TMEM248: variants seen among roughly 807,000 people sequenced by gnomAD.
TMEM248 encodes UPF0458 protein C7orf42.
A neutral mutation model predicts 30.3 loss-of-function variants in TMEM248; 9 were observed. That is an observed-to-expected ratio of 0.30 (90% confidence interval 0.18 to 0.52). The LOEUF (loss-of-function observed/expected upper bound fraction) is 0.52, where lower values mean the gene tolerates loss of function less well. Among genes scored for constraint, TMEM248 ranks in the 20% least tolerant of loss-of-function variants. The pLI, the probability that TMEM248 is intolerant of heterozygous loss-of-function variation, is 0.97. For missense variants in TMEM248, 338 were observed against 403.3 expected, an observed-to-expected ratio of 0.84 and a Z score of 1.39; for synonymous variants, 184 against 154.4, an observed-to-expected ratio of 1.19 and a Z score of -1.42.
Position 66,956,054 on chromosome 7 carries a change from T to C in TMEM248, c.*532T>C, listed in dbSNP as rs1792395895. ...ATAATACCTTTTTCTCCATTTTGCT[T>C]GCAGGAAACATACCTTAAGTTTTTT... On this transcript the variant is annotated 3_prime_UTR_variant, in exon 7 of 7. Transcript: ENST00000341567. 1 of 152,952 alleles carries C rather than the reference T, an allele frequency of 6.5e-6. No homozygotes were observed. Among genetic ancestry groups the C allele is most frequent in the African/African-American group, 2.4e-5 (1 of 41,478 alleles). 9.5% of individuals were successfully genotyped at this position (152,952 alleles called of 1,614,324 possible). A position where few individuals can be genotyped will look rare whatever the true frequency, so the allele number is the denominator to read the frequency against.
chr7:66,921,544 G>A (rs1791384998), intron 1 of TMEM248, 83 bp downstream of exon 1: 1 of 152,140 alleles, frequency 6.6e-6, no homozygotes, highest in South Asian at 2.1e-4. Flanking sequence ...GTGCTGGTCG[G>A]GAGCGGCTCC....
At chr7:66,937,895 A>G (rs1406921111) in intron 1 of TMEM248, among the ~76,000 whole-genome samples, 1 of 152,058 alleles carries the variant, frequency 6.6e-6, no homozygotes, top group Non-Finnish European at 1.5e-5. Context: ...TATTTTTAGT[A>G]GAGTCAGGGT....
chr7:66,932,163 C>T (rs939205839), intron 1 of TMEM248, among the ~76,000 whole-genome samples: 7 of 152,100 alleles, frequency 4.6e-5, no homozygotes, highest in African/African-American at 1.7e-4. Flanking sequence ...CAAAAGTAAT[C>T]GTGGTTTTTG....
intron 3 of TMEM248, among the ~76,000 whole-genome samples, chr7:66,945,878 G>A (rs1212557769): frequency 6.6e-6 from 1 of 152,162 alleles, no homozygotes; most frequent in Non-Finnish European, 1.5e-5. Context: ...AAGGTCAAGA[G>A]TTTGAGACCA....
intron 1 of TMEM248, among the ~76,000 whole-genome samples, chr7:66,938,213 T>G (rs909700734): frequency 2.6e-5 from 4 of 152,214 alleles, no homozygotes; most frequent in Admixed American, 2.6e-4. Context: ...TTAGTTGTTT[T>G]TTGGTTGTTT....
At chr7:66,922,727 C>G (rs1014003249) in intron 1 of TMEM248, among the ~76,000 whole-genome samples, 1 of 151,668 alleles carries the variant, frequency 6.6e-6, no homozygotes, top group East Asian at 1.9e-4. Context: ...GTTTTTGAGA[C>G]AGAGTCTCAC....
chr7:66,942,396 C>CAT (rs1406277887), intron 2 of TMEM248, among the ~76,000 whole-genome samples: 3 of 152,202 alleles, frequency 2.0e-5, no homozygotes, highest in Admixed American at 2.0e-4. Flanking sequence ...TTTAAAACCA[C>CAT]ATATCATCAT....
At chr7:66,936,816 T>C (rs1446687360) in intron 1 of TMEM248, among the ~76,000 whole-genome samples, 1 of 152,226 alleles carries the variant, frequency 6.6e-6, no homozygotes, top group African/African-American at 2.4e-5. Context: ...TTTTCATGTC[T>C]GATACTATTT....
chr7:66,926,520 C>T (rs946504199), intron 1 of TMEM248, among the ~76,000 whole-genome samples: 3 of 151,776 alleles, frequency 2.0e-5, no homozygotes, highest in Non-Finnish European at 4.4e-5. Context: ...CAAGCTACTT[C>T]AGCTACTCAG....
intron 1 of TMEM248, among the ~76,000 whole-genome samples, chr7:66,923,951 C>T (rs191938990): frequency 1.2e-3 from 180 of 152,318 alleles, no homozygotes; most frequent in African/African-American, 3.9e-3. Context: ...CAGGCGTGAG[C>T]CACCAGGCCT....
intron 1 of TMEM248, among the ~76,000 whole-genome samples, chr7:66,926,636 A>C (rs952331815): frequency 1.4e-5 from 2 of 144,486 alleles, no homozygotes; most frequent in African/African-American, 5.0e-5. Context: ...ACTCCATCTG[A>C]AACAAAAAAA....
chr7:66,949,993 T>TTATC (rs1792219449), intron 4 of TMEM248, among the ~76,000 whole-genome samples: 1 of 152,212 alleles, frequency 6.6e-6, no homozygotes, highest in Non-Finnish European at 1.5e-5. Flanking sequence ...CAAGATCAGA[T>TTATC]TAAGTTAAAC....
chr7:66,945,897 A>G (rs1273955705), intron 3 of TMEM248, among the ~76,000 whole-genome samples: 1 of 152,122 alleles, frequency 6.6e-6, no homozygotes, highest in African/African-American at 2.4e-5. Context: ...CAGCCTGGCC[A>G]ATATGGCAAA....
Position 66,945,229 on chromosome 7 carries a change from C to T in TMEM248, c.413C>T (p.Ser138Leu). 1 of 1,614,194 alleles carries T rather than the reference C, an allele frequency of 6.2e-7. No individual in the cohort carries two copies. Among genetic ancestry groups the T allele is most frequent in the Non-Finnish European group, 8.5e-7 (1 of 1,180,020 alleles). Residue 138 changes from serine to leucine, a missense_variant, in exon 3 of 7, where the codon TCA (serine) becomes TTA (leucine). By Grantham distance (145) the Ser-to-Leu change is moderately radical. Coordinates refer to ENST00000341567, the MANE Select transcript of TMEM248 (RefSeq NM_017994.5). Reference protein sequence around the residue: ...GYSRNVTHLYSTILGHQIGLS... With the variant: ...GYSRNVTHLYLTILGHQIGLS... ...TCCCGCAACGTCACCCATCTGTACT[C>T]AACCATCTTAGGGCATCAGATTGGA... is the stretch of plus-strand genomic sequence containing the variant.
intron 5 of TMEM248, among the ~76,000 whole-genome samples, chr7:66,951,739 G>A (rs138925054): frequency 2.1e-4 from 32 of 152,018 alleles, no homozygotes; most frequent in African/African-American, 6.8e-4. Context: ...GTCTAGTGGC[G>A]CAATCATAGC....
At chr7:66,939,734 T>C (rs1791898952) in intron 1 of TMEM248, among the ~76,000 whole-genome samples, 1 of 151,696 alleles carries the variant, frequency 6.6e-6, no homozygotes, top group Non-Finnish European at 1.5e-5. Context: ...TGGTTGATGC[T>C]AAACAATATA....
At chr7:66,943,360 A>G (rs190353335) in intron 2 of TMEM248, among the ~76,000 whole-genome samples, 2 of 152,354 alleles carry the variant, frequency 1.3e-5, no homozygotes, top group African/African-American at 2.4e-5. Flanking sequence ...TAGGCCTGGC[A>G]TTGGCTTTAG....
chr7:66,953,148 G>C lies in TMEM248; in HGVS notation c.781-78G>C, dbSNP rs536105459. ...GGCAAGTCTGGAGGCTGTCAATCCT[G>C]TCTCTCAAAACCCAGCATTAAAACC... On this transcript the variant is annotated intron_variant, in intron 5 of 6. Transcript: ENST00000341567. 56 of 1,510,244 alleles carry C rather than the reference G, an allele frequency of 3.7e-5. No individual in the cohort carries two copies. In the African/African-American group the frequency reaches 7.0e-4, roughly 19 times the overall value. The allele number at this position is 1,510,244 out of a possible 1,614,324, so 93.6% of individuals were successfully genotyped here. A position where few individuals can be genotyped will look rare whatever the true frequency, so the allele number is the denominator to read the frequency against.
At chr7:66,937,008 G>T (rs1188568829) in intron 1 of TMEM248, among the ~76,000 whole-genome samples, 3 of 151,994 alleles carry the variant, frequency 2.0e-5, no homozygotes, top group Non-Finnish European at 4.4e-5. Context: ...TGCATTGCAT[G>T]TTGCTTTTTT....
Sources: allele counts gnomAD v4.1 joint callset (sites outside exome capture counted in the v4.1 genomes callset), GRCh38; gene constraint gnomAD v4.1.1; transcripts MANE v1.5; gene names NCBI Gene and HGNC (gene_info 2026-07-23, HGNC 2026-07-21).